The following DNER variants were observed in gnomAD, a reference collection of about 807,000 sequenced individuals.
The protein encoded by DNER is delta/notch like EGF repeat containing, also known as delta and Notch-like epidermal growth factor-related receptor.
DNER carries 33 observed loss-of-function variants against 78.2 expected under a neutral mutation model. The ratio of observed to expected loss-of-function variants is 0.42; its 90% CI spans 0.32 to 0.56. DNER has a LOEUF of 0.56. Ranked by LOEUF, DNER falls within the 20% of genes least tolerant of loss-of-function variation. DNER has a pLI of 0.11. For missense variants in DNER, 918 were observed against 975.3 expected (o/e 0.94, Z 0.78); for synonymous variants, 417 against 384.8 (o/e 1.08, Z -0.98).
Position 229,582,088 on chromosome 2 carries a change from G to A in DNER, c.847+3770C>T, listed in dbSNP as rs955564550. ...TCCTTTACCGTGGAAGTTTTCTTCC[G>A]CCCACCCTAACATTGGTTTGTTTGT... On this transcript the variant is annotated intron_variant, in intron 4 of 12. Transcript: ENST00000341772. Among the ~76,000 whole-genome samples the A allele has an allele frequency of 6.6e-5, 10 of 152,114 alleles. No individual in the cohort carries two copies. The South Asian group carries it at 1.0e-3, about 16-fold the overall frequency.
intron 1 of DNER, among the ~76,000 whole-genome samples, chr2:229,625,004 A>G (rs1466448575): frequency 1.3e-5 from 2 of 152,174 alleles, no homozygotes; most frequent in Non-Finnish European, 2.9e-5. Context: ...GGAATTCGCT[A>G]TTATTTCATT....
intron 7 of DNER, among the ~76,000 whole-genome samples, chr2:229,472,764 T>C (rs1694950494): frequency 1.3e-5 from 2 of 152,238 alleles, no homozygotes; most frequent in Admixed American, 6.5e-5. Flanking sequence ...ACATTCATGA[T>C]ATTTCACTTT....
chr2:229,650,439 C>T (rs751856320), intron 1 of DNER, among the ~76,000 whole-genome samples: 2 of 152,154 alleles, frequency 1.3e-5, no homozygotes, highest in East Asian at 1.9e-4. Flanking sequence ...AACACATTTC[C>T]GTAATTTGGC....
chr2:229,406,711 C>A (rs1236759798), intron 10 of DNER, among the ~76,000 whole-genome samples: 1 of 152,158 alleles, frequency 6.6e-6, no homozygotes, highest in Non-Finnish European at 1.5e-5. Context: ...TAGGCTGGAA[C>A]CCCCAATCTA....
intron 1 of DNER, among the ~76,000 whole-genome samples, chr2:229,650,659 G>A (rs897881903): frequency 6.6e-6 from 1 of 152,012 alleles, no homozygotes; most frequent in African/African-American, 2.4e-5. Context: ...TTTCTTTCAG[G>A]GTTCCTTTTC....
At chr2:229,415,014 C>T (rs1333568644) in intron 9 of DNER, among the ~76,000 whole-genome samples, 1 of 152,100 alleles carries the variant, frequency 6.6e-6, no homozygotes, top group Non-Finnish European at 1.5e-5. Flanking sequence ...AATCCAAAAT[C>T]AGCTGGGCAT....
intron 1 of DNER, among the ~76,000 whole-genome samples, chr2:229,703,280 TA>T: frequency 6.6e-6 from 1 of 152,138 alleles, no homozygotes; most frequent in Non-Finnish European, 1.5e-5. Context: ...GGTACCAAAA[TA>T]ATTCAGTGGA....
At chr2:229,373,450 T>C (rs992744253) in intron 11 of DNER, among the ~76,000 whole-genome samples, 1 of 152,046 alleles carries the variant, frequency 6.6e-6, no homozygotes, top group Non-Finnish European at 1.5e-5. Flanking sequence ...AAACAACAGA[T>C]ATTGGCAAGG....
intron 8 of DNER, among the ~76,000 whole-genome samples, chr2:229,428,284 G>A (rs10206239): frequency 0.19 from 29,610 of 151,878 alleles, 3,562 homozygotes; most frequent in East Asian, 0.44. Flanking sequence ...CAATCGTCTC[G>A]GGAAATCACG....
At chr2:229,638,934 TG>T in intron 1 of DNER, among the ~76,000 whole-genome samples, 1 of 152,342 alleles carries the variant, frequency 6.6e-6, no homozygotes, top group East Asian at 1.9e-4. Flanking sequence ...TCCAGGCTTC[TG>T]CTCTGCTGCT....
intron 6 of DNER, among the ~76,000 whole-genome samples, chr2:229,495,335 C>A (rs1695479209): frequency 1.3e-5 from 2 of 152,164 alleles, no homozygotes; most frequent in Admixed American, 1.3e-4. Context: ...GGCATTGGTT[C>A]ATATGATTAT....
At chr2:229,517,137 T>C (rs1256040370) in intron 5 of DNER, among the ~76,000 whole-genome samples, 2 of 143,976 alleles carry the variant, frequency 1.4e-5, no homozygotes, top group African/African-American at 5.1e-5. Flanking sequence ...AGAAAAAAAA[T>C]TAATAAAAGG....
chr2:229,671,553 A>G (rs932592796), intron 1 of DNER, among the ~76,000 whole-genome samples: 1 of 152,204 alleles, frequency 6.6e-6, no homozygotes, highest in Non-Finnish European at 1.5e-5. Flanking sequence ...TATAGGCTCC[A>G]AGAAAGCAGG....
At chr2:229,694,850 G>T (rs541096004) in intron 1 of DNER, among the ~76,000 whole-genome samples, 2 of 152,150 alleles carry the variant, frequency 1.3e-5, no homozygotes, top group Non-Finnish European at 2.9e-5. Flanking sequence ...TAAGATTTTG[G>T]GGGACTGTTG....
Position 229,358,585 on chromosome 2 carries a change from A to C in DNER, c.2169T>G (p.Pro723=). 1 of 1,613,862 alleles carries C rather than the reference A, an allele frequency of 6.2e-7. No individual in the cohort carries two copies. The highest frequency in any genetic ancestry group is 8.5e-7 in the Non-Finnish European group (1 of 1,179,874). ...TCAGTGTGACCAAGGGTTTGTCATCAGGACTGTAATCTTCATAGGCGATGG... is the reference window on the plus strand; with the variant it reads ...TCAGTGTGACCAAGGGTTTGTCATCCGGACTGTAATCTTCATAGGCGATGG... ...VSPIAYEDYS[P]DDKPLVTLIK... The change falls in exon 13 of 13, where the codon CCT becomes CCG. Residue 723 remains proline (P), a synonymous_variant. Transcript: ENST00000341772.
intron 1 of DNER, among the ~76,000 whole-genome samples, chr2:229,702,786 G>A (rs796636755): frequency 4.0e-5 from 6 of 151,614 alleles, no homozygotes; most frequent in Non-Finnish European, 5.9e-5. Flanking sequence ...GCGTGGTGGC[G>A]GGCGCCTGTA....
chr2:229,419,229 A>C (rs1431672201), intron 8 of DNER, among the ~76,000 whole-genome samples: 1 of 152,214 alleles, frequency 6.6e-6, no homozygotes, highest in Non-Finnish European at 1.5e-5. Flanking sequence ...TTTATTCTAA[A>C]GGACAAGAAG....
chr2:229,408,270 C>A (rs1693433472), intron 9 of DNER, among the ~76,000 whole-genome samples: 1 of 152,058 alleles, frequency 6.6e-6, no homozygotes, highest in Non-Finnish European at 1.5e-5. Context: ...ACATTACTGG[C>A]ACCTTTTTTA....
chr2:229,459,954 G>A (rs886899847), intron 7 of DNER, among the ~76,000 whole-genome samples: 3 of 151,608 alleles, frequency 2.0e-5, no homozygotes, highest in East Asian at 3.9e-4. Flanking sequence ...TCAAAAGATC[G>A]AGACCATCCT....
Sources: gnomAD v4.1 joint callset for allele counts (sites outside exome capture counted in the v4.1 genomes callset) on GRCh38, gnomAD v4.1.1 for gene constraint, MANE v1.5 for transcripts, NCBI Gene and HGNC (gene_info 2026-07-23, HGNC 2026-07-21) for gene names.